Variants in RBM20 observed in about 807,000 individuals in gnomAD.
The protein encoded by RBM20 is RNA-binding protein 20.
RBM20 carries 51 observed loss-of-function variants against 110.1 expected under a neutral mutation model. The ratio of observed to expected loss-of-function variants is 0.46; its 90% CI spans 0.37 to 0.59. The LOEUF (loss-of-function observed/expected upper bound fraction) is 0.59, where lower values mean the gene tolerates loss of function less well. Ranked by LOEUF, RBM20 falls within the 20% of genes least tolerant of loss-of-function variation. The pLI, the probability that RBM20 is intolerant of heterozygous loss-of-function variation, is 0.00. For missense variants in RBM20, 1,512 were observed against 1,574.9 expected (o/e 0.96, Z 0.68); for synonymous variants, 589 against 618.2 (o/e 0.95, Z 0.70).
intron 1 of RBM20, among the ~76,000 whole-genome samples, chr10:110,736,083 G>T (rs7897044): frequency 0.15 from 22,193 of 152,170 alleles, 2,164 homozygotes; most frequent in East Asian, 0.27. Flanking sequence ...CACACTTTCA[G>T]ACCTGGAGAT....
chr10:110,697,114 G>A (rs748838143), intron 1 of RBM20, among the ~76,000 whole-genome samples: 32 of 152,188 alleles, frequency 2.1e-4, no homozygotes, highest in Non-Finnish European at 2.5e-4. Flanking sequence ...TATGTGTTTT[G>A]TTTGGTCTAT....
intron 1 of RBM20, among the ~76,000 whole-genome samples, chr10:110,752,062 G>A (rs1022875794): frequency 4.6e-5 from 7 of 152,084 alleles, no homozygotes; most frequent in Admixed American, 1.3e-4. Context: ...CCCAAAGTCT[G>A]TCCTTTACAC....
intron 1 of RBM20, among the ~76,000 whole-genome samples, chr10:110,714,790 G>C (rs1435670803): frequency 6.6e-6 from 1 of 151,856 alleles, no homozygotes; most frequent in East Asian, 2.1e-4. Context: ...TTCCCTAGTA[G>C]TTGACCTGGT....
intron 1 of RBM20, among the ~76,000 whole-genome samples, chr10:110,768,609 T>C (rs569844574): frequency 4.6e-5 from 7 of 152,356 alleles, no homozygotes; most frequent in Admixed American, 3.9e-4. Context: ...CATTCCCACA[T>C]GCTTAAGACA....
intron 5 of RBM20, among the ~76,000 whole-genome samples, chr10:110,788,492 T>C (rs982548806): frequency 1.3e-5 from 2 of 152,208 alleles, no homozygotes; most frequent in Admixed American, 6.5e-5. Context: ...TCCTCAAGCC[T>C]ATCTGAGGGA....
intron 11 of RBM20, among the ~76,000 whole-genome samples, chr10:110,823,070 G>A (rs2135124594): frequency 6.6e-6 from 1 of 152,196 alleles, no homozygotes; most frequent in African/African-American, 2.4e-5. Context: ...CAAGCTTGGG[G>A]AGAGAATGGC....
At chr10:110,803,878 GA>G (rs1844662988) in intron 7 of RBM20, among the ~76,000 whole-genome samples, 1 of 142,224 alleles carries the variant, frequency 7.0e-6, no homozygotes, top group South Asian at 2.3e-4. Context: ...TCCAGGAGTA[GA>G]TCTGGCTGCA....
At chr10:110,753,009 G>T (rs542920112) in intron 1 of RBM20, among the ~76,000 whole-genome samples, 1 of 145,640 alleles carries the variant, frequency 6.9e-6, no homozygotes, top group Non-Finnish European at 1.5e-5. Context: ...TGAGATCTCG[G>T]CTCACTGCAA....
chr10:110,646,563 A>T (rs562592898), intron 1 of RBM20, among the ~76,000 whole-genome samples: 12 of 152,328 alleles, frequency 7.9e-5, no homozygotes, highest in African/African-American at 2.9e-4. Context: ...GAATGTGCCC[A>T]TAGGATTTGA....
chr10:110,824,708 C>T (rs1456423894), intron 12 of RBM20, among the ~76,000 whole-genome samples: 5 of 152,216 alleles, frequency 3.3e-5, no homozygotes, highest in Admixed American at 6.5e-5. Context: ...GATTCTGACA[C>T]AACCACTAAC....
intron 1 of RBM20, among the ~76,000 whole-genome samples, chr10:110,769,657 A>AC (rs1273321866): frequency 1.3e-5 from 2 of 152,180 alleles, no homozygotes; most frequent in Non-Finnish European, 2.9e-5. Flanking sequence ...TTCTTGGTGT[A>AC]CTTGCAGCTA....
intron 1 of RBM20, among the ~76,000 whole-genome samples, chr10:110,705,666 A>G (rs1008840240): frequency 2.0e-5 from 3 of 152,276 alleles, no homozygotes; most frequent in African/African-American, 7.2e-5. Flanking sequence ...TAATACACAT[A>G]TGCTAATTTG....
At chr10:110,787,462 GCTGT>G (rs1268478562) in intron 5 of RBM20, among the ~76,000 whole-genome samples, 1 of 152,240 alleles carries the variant, frequency 6.6e-6, no homozygotes, top group East Asian at 1.9e-4. Context: ...GGAAACCCAT[GCTGT>G]CTAAGGCTGG....
At chr10:110,728,859 A>C (rs1158278154) in intron 1 of RBM20, among the ~76,000 whole-genome samples, 1 of 152,046 alleles carries the variant, frequency 6.6e-6, no homozygotes, top group Non-Finnish European at 1.5e-5. Context: ...TCCTCTGCTG[A>C]CCCGCTGAGC....
chr10:110,647,075 C>T (rs1861879406), intron 1 of RBM20, among the ~76,000 whole-genome samples: 1 of 152,154 alleles, frequency 6.6e-6, no homozygotes, highest in East Asian at 1.9e-4. Flanking sequence ...AACATTTTTC[C>T]ACTTACTGTC....
chr10:110,687,370 G>A (rs1357577653), intron 1 of RBM20, among the ~76,000 whole-genome samples: 1 of 152,194 alleles, frequency 6.6e-6, no homozygotes, highest in Non-Finnish European at 1.5e-5. Flanking sequence ...GATTAAGTTG[G>A]ATGATGTGAC....
chr10:110,766,900 G>T (rs867415374), intron 1 of RBM20, among the ~76,000 whole-genome samples: 1 of 133,804 alleles, frequency 7.5e-6, no homozygotes, highest in Admixed American at 7.6e-5. Context: ...CAGTAGGGGC[G>T]GCCGGGCAGA....
rs957720212 is a variant in RBM20, at chr10:110,831,089, C to T, written c.3480C>T (p.Gly1160=). ...TGGAGTTCGTGGTTCCCAGGACTGG[C>T]TTTTATTGCAAGCTGTGTGGGCTGT... is the stretch of plus-strand genomic sequence containing the variant. ...LGVEFVVPRT[G]FYCKLCGLFY... Residue 1160 remains glycine (G), a synonymous_variant, in exon 13 of 14, where the codon GGC becomes GGT. Coordinates refer to ENST00000369519, the MANE Select transcript of RBM20 (RefSeq NM_001134363.3). 1 of 1,551,410 alleles carries T rather than the reference C, an allele frequency of 6.4e-7. No individual in the cohort carries two copies. Among genetic ancestry groups the T allele is most frequent in the East Asian group, 2.4e-5 (1 of 40,914 alleles).
intron 5 of RBM20, among the ~76,000 whole-genome samples, chr10:110,790,204 T>A (rs3929718): frequency 0.41 from 62,650 of 152,078 alleles, 13,427 homozygotes; most frequent in South Asian, 0.59. Flanking sequence ...TGGAACACCA[T>A]CTGTCTGCCC....
Sources: allele counts gnomAD v4.1 joint callset (sites outside exome capture counted in the v4.1 genomes callset), GRCh38; gene constraint gnomAD v4.1.1; transcripts MANE v1.5; gene names NCBI Gene and HGNC (gene_info 2026-07-23, HGNC 2026-07-21).